ARHGEF3: variants seen among roughly 807,000 people sequenced by gnomAD.
ARHGEF3 encodes Rho guanine nucleotide exchange factor 3, also known as 59.8 kDA protein.
ARHGEF3 carries 28 observed loss-of-function variants against 63.2 expected under a neutral mutation model. That is an observed-to-expected ratio of 0.44 (90% CI 0.33 to 0.61). The LOEUF is 0.61. Ranked by LOEUF, ARHGEF3 falls within the 20% of genes least tolerant of loss-of-function variation. The pLI, the probability that ARHGEF3 is intolerant of heterozygous loss-of-function variation, is 0.03. For missense variants in ARHGEF3, 533 were observed against 659.3 expected (o/e 0.81, Z 2.10); for synonymous variants, 266 against 254.2 (o/e 1.05, Z -0.44).
At chr3:56,860,922 T>A (rs2040051884) in intron 4 of ARHGEF3, among the ~76,000 whole-genome samples, 2 of 152,268 alleles carry the variant, frequency 1.3e-5, no homozygotes, top group Middle Eastern at 6.8e-3. Context: ...GAATCATGGC[T>A]ACTAAAGAAC....
chr3:56,824,312 A>G (rs1296065408), intron 4 of ARHGEF3, among the ~76,000 whole-genome samples: 8 of 152,226 alleles, frequency 5.3e-5, no homozygotes, highest in African/African-American at 1.9e-4. Context: ...TGGAGGGGGA[A>G]GGAGTAAGAA....
Position 56,743,965 on chromosome 3 carries a change from A to G in ARHGEF3, c.870+1240T>C, listed in dbSNP as rs114738597. On this transcript the variant is annotated intron_variant, in intron 7 of 9. Coordinates refer to ENST00000296315, the MANE Select transcript of ARHGEF3 (RefSeq NM_019555.3). ...TGTAAATGATGGAGCTGGGATTTGA[A>G]TCCTGAATCCCAGCTACTTAGAAAC... is the stretch of plus-strand genomic sequence containing the variant. 6.0e-3 allele frequency among the ~76,000 whole-genome samples: 906 copies of G among 152,206 alleles called. 14 individuals are homozygous for G. Among genetic ancestry groups the G allele is most frequent in the African/African-American group, 0.021 (871 of 41,532 alleles).
At chr3:57,018,278 C>CAAAA (rs57400379) in intron 2 of ARHGEF3, among the ~76,000 whole-genome samples, 6 of 111,624 alleles carry the variant, frequency 5.4e-5, no homozygotes, top group South Asian at 3.2e-4. Context: ...GGCTCTGTCA[C>CAAAA]AAAAAAAAAA....
intron 2 of ARHGEF3, among the ~76,000 whole-genome samples, chr3:56,967,990 AAATATAT>A (rs1330973548): frequency 1.8e-5 from 1 of 55,208 alleles, no homozygotes; most frequent in African/African-American, 6.6e-5. Flanking sequence ...TTTATATATA[AAATATAT>A]AATATATATT....
At chr3:56,946,627 T>G (rs529914186) in intron 3 of ARHGEF3, among the ~76,000 whole-genome samples, 18 of 152,090 alleles carry the variant, frequency 1.2e-4, no homozygotes, top group South Asian at 4.2e-4. Flanking sequence ...TGGGAGTATG[T>G]GAAAAGACCA....
intron 1 of ARHGEF3, among the ~76,000 whole-genome samples, chr3:57,036,144 T>A (rs1017844392): frequency 4.6e-5 from 7 of 152,090 alleles, no homozygotes; most frequent in African/African-American, 1.7e-4. Flanking sequence ...GCCTGGTGCA[T>A]AGTAAGTACT....
At chr3:56,929,384 A>C (rs2042354149) in intron 3 of ARHGEF3, among the ~76,000 whole-genome samples, 1 of 152,230 alleles carries the variant, frequency 6.6e-6, no homozygotes, top group Admixed American at 6.5e-5. Context: ...AAAGAGCTTC[A>C]CATGAAATCT....
At chr3:56,878,367 T>C (rs1476462834) in intron 4 of ARHGEF3, among the ~76,000 whole-genome samples, 7 of 152,222 alleles carry the variant, frequency 4.6e-5, no homozygotes, top group Admixed American at 4.6e-4. Context: ...CGTTGCTTTT[T>C]ATTTTCCCTC....
intron 3 of ARHGEF3, among the ~76,000 whole-genome samples, chr3:56,945,630 G>A (rs867553462): frequency 2.6e-5 from 4 of 152,346 alleles, no homozygotes; most frequent in African/African-American, 9.6e-5. Context: ...AAGCAGCCAG[G>A]AAGCTCGAAC....
intron 2 of ARHGEF3, among the ~76,000 whole-genome samples, chr3:57,015,105 A>G (rs551896311): frequency 3.5e-4 from 54 of 152,150 alleles, no homozygotes; most frequent in African/African-American, 1.3e-3. Context: ...GGCCAAATCC[A>G]GCCGTCTGCC....
intron 2 of ARHGEF3, among the ~76,000 whole-genome samples, chr3:57,030,445 A>G (rs1672401622): frequency 1.3e-5 from 2 of 152,232 alleles, no homozygotes; most frequent in African/African-American, 2.4e-5. Flanking sequence ...GCATTTTCCC[A>G]AAGTGCTGAG....
chr3:56,765,936 A>G (rs1350852609), intron 2 of ARHGEF3, among the ~76,000 whole-genome samples: 2 of 152,148 alleles, frequency 1.3e-5, no homozygotes, highest in Non-Finnish European at 2.9e-5. Context: ...GGAAAAAAGG[A>G]GGAGAACACA....
chr3:56,806,029 A>C (rs905263234), upstream of ARHGEF3, among the ~76,000 whole-genome samples: 21 of 152,258 alleles, frequency 1.4e-4, no homozygotes, highest in African/African-American at 4.6e-4. Context: ...GCATTTAACA[A>C]ATTTTTCAGG....
chr3:57,000,341 C>CACAT (rs1333579730), intron 2 of ARHGEF3, among the ~76,000 whole-genome samples: 1 of 150,806 alleles, frequency 6.6e-6, no homozygotes, highest in Non-Finnish European at 1.5e-5. Flanking sequence ...CACACACACA[C>CACAT]ACCTTAAGCA....
At chr3:57,050,165 T>G (rs1239896202) in intron 1 of ARHGEF3, among the ~76,000 whole-genome samples, 7 of 152,204 alleles carry the variant, frequency 4.6e-5, no homozygotes, top group Non-Finnish European at 1.0e-4. Context: ...CAGCCCCTGC[T>G]GCTAACACGT....
intron 2 of ARHGEF3, among the ~76,000 whole-genome samples, chr3:56,988,693 T>A (rs1701632745): frequency 6.6e-6 from 1 of 152,166 alleles, no homozygotes; most frequent in Non-Finnish European, 1.5e-5. Flanking sequence ...CTCTTTAATT[T>A]TTGTACCAAA....
chr3:56,934,884 T>G (rs983436533), intron 3 of ARHGEF3, among the ~76,000 whole-genome samples: 1 of 152,256 alleles, frequency 6.6e-6, no homozygotes, highest in African/African-American at 2.4e-5. Flanking sequence ...CAGCTCCACC[T>G]GCAGCCCCGC....
At chr3:57,078,901 G>T (rs1273745281) in intron 1 of ARHGEF3, 2 of 249,894 alleles carry the variant, frequency 8.0e-6, no homozygotes, top group Non-Finnish European at 1.5e-5. Flanking sequence ...GGCTACCCGG[G>T]GAACAGAGTC....
intron 1 of ARHGEF3, among the ~76,000 whole-genome samples, chr3:56,788,830 A>T (rs2036944265): frequency 1.3e-5 from 2 of 152,224 alleles, no homozygotes; most frequent in South Asian, 2.1e-4. Context: ...TTTTTTTGTT[A>T]TTCTACCTGG....
Sources: allele counts gnomAD v4.1 joint callset (sites outside exome capture counted in the v4.1 genomes callset), GRCh38; gene constraint gnomAD v4.1.1; transcripts MANE v1.5; gene names NCBI Gene and HGNC (gene_info 2026-07-23, HGNC 2026-07-21).